Variants in GABRB3 observed in about 807,000 individuals in gnomAD.
GABRB3 encodes gamma-aminobutyric acid receptor subunit beta-3.
A neutral mutation model predicts 52.1 loss-of-function variants in GABRB3; 14 were observed. That is an observed-to-expected ratio of 0.27 (90% CI 0.18 to 0.42). The LOEUF (loss-of-function observed/expected upper bound fraction) is 0.42. Among genes scored for constraint, GABRB3 ranks in the 10% least tolerant of loss-of-function variants. The pLI, the probability that GABRB3 is intolerant of heterozygous loss-of-function variation, is 1.00. For missense variants in GABRB3, 307 were observed against 609.1 expected (o/e 0.50, Z 5.22); for synonymous variants, 260 against 232.3 (o/e 1.12, Z -1.08).
At chr15:26,696,156 C>A (rs1341192931) in intron 3 of GABRB3, among the ~76,000 whole-genome samples, 3 of 152,152 alleles carry the variant, frequency 2.0e-5, no homozygotes, top group Admixed American at 6.5e-5. Context: ...AAACATCCTT[C>A]CTCCTCCAGC....
chr15:26,746,014 G>GC (rs1257054561), intron 3 of GABRB3, among the ~76,000 whole-genome samples: 2 of 152,174 alleles, frequency 1.3e-5, no homozygotes, highest in African/African-American at 4.8e-5. Flanking sequence ...AATTTTATAA[G>GC]AAACTGCCAA....
At chr15:26,659,009 T>C (rs1195757435) in intron 3 of GABRB3, among the ~76,000 whole-genome samples, 1 of 152,232 alleles carries the variant, frequency 6.6e-6, no homozygotes, top group Non-Finnish European at 1.5e-5. Flanking sequence ...TTCACTTTCC[T>C]ATTCAGCCAC....
Position 26,603,454 on chromosome 15 carries a change from C to CA in GABRB3, c.461+17859dup, listed in dbSNP as rs766938650. Among the ~76,000 whole-genome samples the CA allele has an allele frequency of 1.1e-3, 163 of 151,758 alleles. 1 individual carries two copies. Among genetic ancestry groups the CA allele is most frequent in the Admixed American group, 2.6e-3 (39 of 15,250 alleles). ...AAAACCAGAAAAATATATACAAAAA[C>CA]AAAAAATAAAACAAACAAAAAATAA... On this transcript the variant is annotated intron_variant, in intron 4 of 8. Transcript: ENST00000311550.
chr15:26,583,481 T>C, intron 4 of GABRB3, 67 bp from the exon 5 acceptor site: 2 of 1,329,020 alleles, frequency 1.5e-6, no homozygotes, highest in Non-Finnish European at 2.2e-6. Context: ...AGACTCCTCT[T>C]AGATAAACGA....
At chr15:26,610,292 T>C (rs28599503) in intron 4 of GABRB3, among the ~76,000 whole-genome samples, 9,664 of 152,220 alleles carry the variant, frequency 0.063, 999 homozygotes, top group African/African-American at 0.22. Context: ...TGATCTCCCA[T>C]GTCCTCAGCT....
At chr15:26,619,915 A>C (rs1005198585) in intron 4 of GABRB3, among the ~76,000 whole-genome samples, 31 of 151,066 alleles carry the variant, frequency 2.1e-4, no homozygotes, top group African/African-American at 7.3e-4. Flanking sequence ...ACACAAACCC[A>C]ACACACACCA....
intron 5 of GABRB3, 62 bp downstream of exon 5, chr15:26,583,270 T>C: frequency 1.4e-6 from 2 of 1,384,804 alleles, no homozygotes; most frequent in Non-Finnish European, 1.0e-6. Context: ...AGATGCTAAA[T>C]AATGACAAAA....
chr15:26,608,233 C>T (rs553387688), intron 4 of GABRB3, among the ~76,000 whole-genome samples: 1 of 152,130 alleles, frequency 6.6e-6, no homozygotes, highest in Admixed American at 6.6e-5. Flanking sequence ...TCCATAAATG[C>T]TGTTGGGAAA....
chr15:26,629,923 C>T (rs1004613732), intron 3 of GABRB3, among the ~76,000 whole-genome samples: 3 of 152,036 alleles, frequency 2.0e-5, no homozygotes, highest in Non-Finnish European at 4.4e-5. Flanking sequence ...CGTTTGGCTT[C>T]TGGTTAAGGT....
intron 2 of GABRB3, 21 bp downstream of exon 2, chr15:26,772,659 CG>C: frequency 6.5e-7 from 1 of 1,544,076 alleles, no homozygotes; most frequent in Non-Finnish European, 8.7e-7. Context: ...CTTCCCGCAA[CG>C]GCCGCGCGCA....
At chr15:26,679,792 C>T (rs761476258) in intron 3 of GABRB3, among the ~76,000 whole-genome samples, 1 of 152,120 alleles carries the variant, frequency 6.6e-6, no homozygotes, top group Non-Finnish European at 1.5e-5. Flanking sequence ...CATCCTGGGG[C>T]TGGGACCCAC....
chr15:26,602,200 A>G (rs1005957789), intron 4 of GABRB3, among the ~76,000 whole-genome samples: 1 of 152,156 alleles, frequency 6.6e-6, no homozygotes, highest in African/African-American at 2.4e-5. Context: ...TCAACTTATC[A>G]AGAGAAACTA....
intron 3 of GABRB3, among the ~76,000 whole-genome samples, chr15:26,740,924 G>A (rs1890188387): frequency 1.3e-5 from 2 of 152,100 alleles, no homozygotes; most frequent in Admixed American, 1.3e-4. Flanking sequence ...TACTTGGAGG[G>A]GGAGATGGCG....
In GABRB3 at chr15:26,635,009, T is replaced by TAA. The variant is rs67529838; in HGVS notation, c.241-13477_241-13476dup. 2.0e-3 allele frequency among the ~76,000 whole-genome samples: 23 copies of TAA among 11,734 alleles called. 1 individual carries two copies. Among genetic ancestry groups the TAA allele is most frequent in the African/African-American group, 4.0e-3 (21 of 5,232 alleles). The allele number at this position is 11,734 out of a possible 152,430, so 7.7% of individuals were successfully genotyped here. On this transcript the variant is annotated intron_variant, in intron 3 of 8. Transcript: ENST00000311550. The stretch of plus-strand genomic sequence containing the variant: ...AAATATATATATATATATATATATA[T>TAA]AATATATATATATTTAGAGAGGAAG...
At chr15:26,745,101 G>A (rs1310442371) in intron 3 of GABRB3, among the ~76,000 whole-genome samples, 1 of 152,014 alleles carries the variant, frequency 6.6e-6, no homozygotes, top group Non-Finnish European at 1.5e-5. Flanking sequence ...CACGCTTCAT[G>A]TAAACAACCA....
chr15:26,706,386 T>C (rs753595332), intron 3 of GABRB3, among the ~76,000 whole-genome samples: 4 of 152,058 alleles, frequency 2.6e-5, no homozygotes, highest in Admixed American at 6.5e-5. Flanking sequence ...TTAGCTGTTA[T>C]TTTCAAAAAC....
intron 3 of GABRB3, among the ~76,000 whole-genome samples, chr15:26,653,239 T>G (rs938413144): frequency 1.3e-5 from 2 of 152,078 alleles, no homozygotes; most frequent in African/African-American, 2.4e-5. Context: ...GAAATTAGGG[T>G]TTAGGAGTCA....
chr15:26,590,075 T>C (rs1891138576), intron 4 of GABRB3: 1 of 152,112 alleles, frequency 6.6e-6, no homozygotes, highest in Admixed American at 6.6e-5. Context: ...TCCCCTATTT[T>C]TATGGTCAAG....
chr15:26,554,043 A>ATATATATATATATATATATATT (rs1487375439), intron 8 of GABRB3, among the ~76,000 whole-genome samples: 15 of 108,132 alleles, frequency 1.4e-4, no homozygotes, highest in African/African-American at 5.6e-4. Context: ...ATATTTATTT[A>ATATATATATATATATATATATT]TTTATATTTA....
Sources: allele counts gnomAD v4.1 joint callset (sites outside exome capture counted in the v4.1 genomes callset), GRCh38; gene constraint gnomAD v4.1.1; transcripts MANE v1.5; gene names NCBI Gene and HGNC (gene_info 2026-07-23, HGNC 2026-07-21).